The following FAT1 variants were observed in gnomAD, a reference collection of about 807,000 sequenced individuals.
FAT1 encodes the protein protocadherin Fat 1.
FAT1 carries 171 observed loss-of-function variants against 329.8 expected under a neutral mutation model. The observed-to-expected ratio is 0.52, with a 90% confidence interval of 0.46 to 0.59. The LOEUF (loss-of-function observed/expected upper bound fraction) is 0.59. Among genes scored for constraint, FAT1 ranks in the 20% least tolerant of loss-of-function variants. The pLI, the probability that FAT1 is intolerant of heterozygous loss-of-function variation, is 0.00. For missense variants in FAT1, 5,672 were observed against 5,774.4 expected (o/e 0.98, Z 0.57); for synonymous variants, 2,233 against 2,228.6 (o/e 1.00, Z -0.06).
intron 7 of FAT1, among the ~76,000 whole-genome samples, chr4:186,630,765 T>C (rs1740545530): frequency 6.6e-6 from 1 of 152,094 alleles, no homozygotes; most frequent in South Asian, 2.1e-4. Context: ...TTACAGCTAT[T>C]TGCCCATGGA....
intron 1 of FAT1, among the ~76,000 whole-genome samples, chr4:186,720,630 A>T (rs1472732970): frequency 2.0e-5 from 3 of 152,138 alleles, no homozygotes; most frequent in African/African-American, 7.2e-5. Flanking sequence ...ACCTGAATGG[A>T]TCTCTTATCA....
At position 186,620,996 on chromosome 4, in the gene FAT1, T is replaced by C. The variant is rs2126521138; in HGVS notation, c.5590A>G (p.Asn1864Asp). The change falls in exon 10 of 27, where the codon AAT becomes GAT. Residue 1864 changes from asparagine to aspartate, a missense_variant. This residue lies in a region of FAT1 where 3,966 missense variants were observed against 3,915.2 expected (regional missense o/e 1.01). Coordinates refer to ENST00000441802, the MANE Select transcript of FAT1 (RefSeq NM_005245.4). ...TPRLFAEYAA[N>D]VTVHVIDIND... Reference sequence around the variant, plus strand: ...ATGTCAATTACATGTACTGTTACATTCGCTGCATACTCAGCAAATAAACGT... The same window carrying C: ...ATGTCAATTACATGTACTGTTACATCCGCTGCATACTCAGCAAATAAACGT... 1 of 1,613,026 alleles carries C rather than the reference T, an allele frequency of 6.2e-7. No individual in the cohort carries two copies. The highest frequency in any genetic ancestry group is 8.5e-7 in the Non-Finnish European group (1 of 1,179,878).
intron 3 of FAT1, among the ~76,000 whole-genome samples, chr4:186,645,966 TATACACACAC>T (rs1741360844): frequency 3.7e-5 from 3 of 80,532 alleles, no homozygotes; most frequent in African/African-American, 1.7e-4. Context: ...AAAAAAAATA[TATACACACAC>T]ACACACACAC....
chr4:186,657,243 T>C (rs1013287141), intron 3 of FAT1, among the ~76,000 whole-genome samples: 11 of 152,222 alleles, frequency 7.2e-5, no homozygotes, highest in Non-Finnish European at 1.6e-4. Context: ...TGCCTATTAC[T>C]AGGTGAGTGG....
rs2126345866 is a variant in FAT1, at chr4:186,588,560, C to G, written c.*32G>C. 1 of 1,587,098 alleles carries G rather than the reference C, an allele frequency of 6.3e-7. No homozygotes were observed. The highest frequency in any genetic ancestry group is 1.7e-5 in the Admixed American group (1 of 58,382). Reference sequence around the variant, plus strand: ...ATTACTCACATCACCTCTAGGTTCACTAAAGTCAGGCACTTTGGGGGGAGT... The same window carrying G: ...ATTACTCACATCACCTCTAGGTTCAGTAAAGTCAGGCACTTTGGGGGGAGT... On this transcript the variant is annotated 3_prime_UTR_variant, in exon 27 of 27. Coordinates refer to ENST00000441802, the MANE Select transcript of FAT1 (RefSeq NM_005245.4).
chr4:186,696,082 C>T (rs1744020708), intron 2 of FAT1, among the ~76,000 whole-genome samples: 1 of 152,280 alleles, frequency 6.6e-6, no homozygotes, highest in Admixed American at 6.5e-5. Flanking sequence ...GGAGCCACAG[C>T]GCCCGGCCAT....
intron 3 of FAT1, among the ~76,000 whole-genome samples, chr4:186,656,236 G>T (rs978355965): frequency 6.6e-6 from 1 of 152,232 alleles, no homozygotes; most frequent in African/African-American, 2.4e-5. Context: ...ACAGATGGTG[G>T]TGTGGAGTGG....
At chr4:186,671,364 T>C (rs1186446042) in intron 2 of FAT1, among the ~76,000 whole-genome samples, 1 of 151,782 alleles carries the variant, frequency 6.6e-6, no homozygotes, top group Admixed American at 6.6e-5. Context: ...GTAAAACGAG[T>C]TTAATATAAA....
intron 10 of FAT1, 69 bp from the exon 11 acceptor site, chr4:186,617,270 T>A (rs2126485927): frequency 9.1e-7 from 1 of 1,093,842 alleles, no homozygotes; most frequent in South Asian, 1.6e-5. Flanking sequence ...ACAGAAAAAA[T>A]AAACTGTACA....
In FAT1 at chr4:186,619,183, G is replaced by A. The variant is rs2126503000; in HGVS notation, c.7403C>T (p.Ser2468Phe). 1 of 1,613,952 alleles carries A rather than the reference G, an allele frequency of 6.2e-7. No homozygotes were observed. The highest frequency in any genetic ancestry group is 1.1e-5 in the South Asian group (1 of 91,074). Reference sequence around the variant, plus strand: ...GGTGGAACTTCTAAAAACTCCATCAGACACTGACAGGTTAAGACTGTAAAA... The same window carrying A: ...GGTGGAACTTCTAAAAACTCCATCAAACACTGACAGGTTAAGACTGTAAAA... Reference protein sequence around the residue: ...KPFYSLNLSVSDGVFRSSTQV... With the variant: ...KPFYSLNLSVFDGVFRSSTQV... The change falls in exon 10 of 27, where the codon TCT becomes TTT. Residue 2468 changes from serine (S) to phenylalanine (F), a missense_variant. Transcript: ENST00000441802.
rs753725504 is a variant in FAT1 at position 186,619,926 on chromosome 4, G to C, written c.6660C>G (p.Asp2220Glu). 1 of 1,613,952 alleles carries C rather than the reference G, an allele frequency of 6.2e-7. No homozygotes were observed. The highest frequency in any genetic ancestry group is 1.7e-4 in the Middle Eastern group (1 of 6,060). ...EGLKVFYSIT[D>E]GDPFSQFTIN... ...TAGTGAACTGGCTGAAAGGGTCTCC[G>C]TCTGTGATGCTGTAGAACACTTTCA... is the stretch of plus-strand genomic sequence containing the variant. Residue 2220 changes from aspartate (D) to glutamate (E), a missense_variant, in exon 10 of 27, where the codon GAC (aspartate) becomes GAG (glutamate). Physicochemically the swap from Asp to Glu is conservative, Grantham distance 45. Transcript: ENST00000441802.
intron 3 of FAT1, among the ~76,000 whole-genome samples, chr4:186,651,863 C>T (rs1309469603): frequency 2.6e-5 from 4 of 152,196 alleles, no homozygotes; most frequent in Admixed American, 6.5e-5. Flanking sequence ...TCACTACAGC[C>T]GGCTGCGCGC....
Position 186,708,583 on chromosome 4 carries a change from G to A in FAT1, c.1245C>T (p.Tyr415=), listed in dbSNP as rs2126697553. The change falls in exon 2 of 27, where the codon TAC becomes TAT. Residue 415 remains tyrosine, a synonymous_variant. Coordinates refer to ENST00000441802, the MANE Select transcript of FAT1 (RefSeq NM_005245.4). Reference sequence around the variant, plus strand: ...CTAAAATAGAAATGAGACCAGTGTTGTAATTTAAACTGAATTTAGCTTTTC... The same window carrying A: ...CTAAAATAGAAATGAGACCAGTGTTATAATTTAAACTGAATTTAGCTTTTC... The part of the protein sequence containing the change: ...TPGKAKFSLN[Y]NTGLISILEP... The A allele has an allele frequency of 6.2e-7, 1 of 1,613,950 alleles. No individual in the cohort carries two copies. Among genetic ancestry groups the A allele is most frequent in the Non-Finnish European group, 8.5e-7 (1 of 1,179,864 alleles).
chr4:186,668,677 T>A lies in FAT1; in HGVS notation c.3266-5064A>T, dbSNP rs561394418. ...TTCTTGTTCCTACACTTCATCATGC[T>A]TTCACCAGTCCTTCCTAAAGCCACG... On this transcript the variant is annotated intron_variant, in intron 2 of 26. Coordinates refer to ENST00000441802, the MANE Select transcript of FAT1 (RefSeq NM_005245.4). 3.3e-5 allele frequency among the ~76,000 whole-genome samples: 5 copies of A among 152,334 alleles called. No homozygotes were observed. The South Asian group carries it at 1.0e-3, about 32-fold the overall frequency.
intron 17 of FAT1, among the ~76,000 whole-genome samples, 152 bp downstream of exon 17, chr4:186,605,918 T>C (rs187900560): frequency 9.9e-5 from 15 of 152,174 alleles, no homozygotes; most frequent in African/African-American, 3.4e-4. Flanking sequence ...ATCTTTAAAA[T>C]GCTCATCTTT....
At chr4:186,718,286 A>G (rs1412124048) in intron 1 of FAT1, among the ~76,000 whole-genome samples, 1 of 152,146 alleles carries the variant, frequency 6.6e-6, no homozygotes, top group African/African-American at 2.4e-5. Flanking sequence ...ATACTCTGAT[A>G]CCACAAAATC....
In FAT1 at chr4:186,628,190, C is replaced by T. The variant is rs2126541773; in HGVS notation, c.4774G>A (p.Gly1592Arg). 6.2e-7 allele frequency: 1 copy of T among 1,613,906 alleles called. No individual in the cohort carries two copies. The highest frequency in any genetic ancestry group is 8.5e-7 in the Non-Finnish European group (1 of 1,179,842). The change falls in exon 9 of 27, where the codon GGG becomes AGG. Residue 1592 changes from glycine (G) to arginine (R), a missense_variant. Physicochemically the swap from Gly to Arg is moderately radical, Grantham distance 125. Coordinates refer to ENST00000441802, the MANE Select transcript of FAT1 (RefSeq NM_005245.4). ...LQVTALDKDK[G>R]KNAEVLYSIE... ...GAGTACAGCACTTCAGCATTTTTCC[C>T]TTTGTCCTTGTCCAGAGCCGTCACC...
At position 186,611,767 on chromosome 4, in the gene FAT1, G is replaced by A. The variant is rs1579317370; in HGVS notation, c.9472C>T (p.Arg3158Trp). ...QATDADAGLN[R>W]KILYSLIDSA... ...TCAATCAGTGAGTATAAAATCTTCC[G>A]ATTTAATCCTATGAAGACATAAAAA... The change falls in exon 14 of 27, where the codon CGG (arginine) becomes TGG (tryptophan). Residue 3158 changes from arginine (R) to tryptophan (W), a missense_variant. Around this residue, in one of 2 missense-constraint regions of FAT1, gnomAD observed 1,706 missense variants for 1,859.1 expected, o/e 0.92. Coordinates refer to ENST00000441802, the MANE Select transcript of FAT1 (RefSeq NM_005245.4). 6 of 1,563,002 alleles carry A rather than the reference G, an allele frequency of 3.8e-6. 1 individual carries two copies. The highest frequency in any genetic ancestry group is 2.4e-5 in the South Asian group (2 of 83,860).
chr4:186,724,544 C>A (rs566773060), upstream of FAT1, among the ~76,000 whole-genome samples: 1 of 152,222 alleles, frequency 6.6e-6, no homozygotes, highest in Non-Finnish European at 1.5e-5. This position sits in a 1 kb window ranked among gnomAD's most constrained non-coding sequence, Gnocchi z 5.3. Flanking sequence ...GCTTCCTAGC[C>A]CGGGAGTCGG....
Sources: gnomAD v4.1 joint callset for allele counts (sites outside exome capture counted in the v4.1 genomes callset) on GRCh38, gnomAD v4.1.1 for gene constraint, gnomAD v4.1.1 regional missense constraint, Gnocchi (gnomAD v3.1) non-coding constraint, MANE v1.5 for transcripts, NCBI Gene and HGNC (gene_info 2026-07-23, HGNC 2026-07-21) for gene names.